The following ASIC2 variants were observed in gnomAD, a reference collection of about 807,000 sequenced individuals.
ASIC2 encodes the protein acid-sensing ion channel 2.
A neutral mutation model predicts 57.3 loss-of-function variants in ASIC2; 25 were observed. The observed-to-expected ratio is 0.44, with a 90% CI of 0.32 to 0.61. The LOEUF (loss-of-function observed/expected upper bound fraction) is 0.61. Ranked by LOEUF, ASIC2 falls within the 20% of genes least tolerant of loss-of-function variation. ASIC2 has a pLI of 0.06. For synonymous variants in ASIC2, 319 were observed against 307.5 expected (o/e 1.04, Z -0.39); for missense variants, 641 against 738.1 (o/e 0.87, Z 1.52).
At chr17:33,579,758 A>C (rs1378050044) in intron 1 of ASIC2, among the ~76,000 whole-genome samples, 1 of 151,992 alleles carries the variant, frequency 6.6e-6, no homozygotes. Flanking sequence ...CAGCAGCAAA[A>C]CTCATTCAGA....
intron 1 of ASIC2, among the ~76,000 whole-genome samples, chr17:33,157,460 A>G (rs1029030631): frequency 6.6e-6 from 1 of 151,838 alleles, no homozygotes; most frequent in East Asian, 1.9e-4. Context: ...CAATTCCAAA[A>G]CTCTTCATCT....
chr17:33,831,106 C>CAAAAAAAA lies in ASIC2; in HGVS notation c.555+324864_555+324871dup, dbSNP rs56841196. 3.5e-4 allele frequency among the ~76,000 whole-genome samples: 8 copies of CAAAAAAAA among 22,964 alleles called. 2 individuals are homozygous for CAAAAAAAA. The highest frequency in any genetic ancestry group is 4.2e-4 in the Non-Finnish European group (6 of 14,356). The allele number at this position is 22,964 out of a possible 152,430, so 15.1% of individuals were successfully genotyped here. On this transcript the variant is annotated intron_variant, in intron 1 of 9. Transcript: ENST00000359872. ...CCTGGGTGACAGAGTAAGGCTCTGT[C>CAAAAAAAA]AAAAAAAAAAAAAAAAAAAAAAAAA...
intron 1 of ASIC2, among the ~76,000 whole-genome samples, chr17:33,507,462 A>T (rs1295621985): frequency 1.3e-5 from 2 of 152,156 alleles, no homozygotes; most frequent in Admixed American, 1.3e-4. Context: ...TTCTATTTGG[A>T]GTTTGCATCC....
intron 8 of ASIC2, 80 bp downstream of exon 8, chr17:33,017,525 C>T (rs905342242): frequency 8.1e-7 from 1 of 1,238,414 alleles, no homozygotes; most frequent in Non-Finnish European, 1.2e-6. Flanking sequence ...ACCGCCTTCC[C>T]TCTACTATGA....
At chr17:33,195,846 G>A (rs1906604414) in intron 1 of ASIC2, among the ~76,000 whole-genome samples, 1 of 152,188 alleles carries the variant, frequency 6.6e-6, no homozygotes, top group Non-Finnish European at 1.5e-5. Flanking sequence ...CTGGGTCATA[G>A]AGTGGGCTGT....
chr17:33,600,177 T>A (rs1451678312), intron 1 of ASIC2, among the ~76,000 whole-genome samples: 1 of 152,240 alleles, frequency 6.6e-6, no homozygotes, highest in African/African-American at 2.4e-5. Flanking sequence ...AAGGCCCTAC[T>A]ATTATTTGAA....
intron 1 of ASIC2, among the ~76,000 whole-genome samples, chr17:33,267,690 G>A (rs940548876): frequency 2.5e-4 from 38 of 152,356 alleles, no homozygotes; most frequent in African/African-American, 6.7e-4. Flanking sequence ...AAGGAGAGAT[G>A]AGCGTGGGCT....
At chr17:34,082,714 C>G (rs891994582) in intron 1 of ASIC2, among the ~76,000 whole-genome samples, 2 of 152,214 alleles carry the variant, frequency 1.3e-5, no homozygotes, top group African/African-American at 4.8e-5. Context: ...CATGCATTAC[C>G]TTACTAAATC....
chr17:34,018,429 C>T (rs780551091), intron 1 of ASIC2, among the ~76,000 whole-genome samples: 3 of 152,214 alleles, frequency 2.0e-5, no homozygotes, highest in Middle Eastern at 3.2e-3. Flanking sequence ...GCTAACACAA[C>T]AATCATTCTG....
At chr17:33,949,555 A>G (rs1262518137) in intron 1 of ASIC2, among the ~76,000 whole-genome samples, 1 of 152,208 alleles carries the variant, frequency 6.6e-6, no homozygotes, top group Non-Finnish European at 1.5e-5. Flanking sequence ...TTCTTATTTT[A>G]TTCCAAGGAA....
chr17:33,999,324 ATGT>A (rs2142014299), intron 1 of ASIC2, among the ~76,000 whole-genome samples: 1 of 152,238 alleles, frequency 6.6e-6, no homozygotes, highest in East Asian at 1.9e-4. Flanking sequence ...TAGTCACTGT[ATGT>A]CTTTTGATTG....
intron 1 of ASIC2, among the ~76,000 whole-genome samples, chr17:33,206,671 G>A (rs1283294284): frequency 6.6e-6 from 1 of 152,022 alleles, no homozygotes; most frequent in Non-Finnish European, 1.5e-5. Context: ...CCATGGCCCT[G>A]GTCTCTGATT....
At chr17:33,996,440 C>G (rs1158861963) in intron 1 of ASIC2, among the ~76,000 whole-genome samples, 1 of 152,146 alleles carries the variant, frequency 6.6e-6, no homozygotes, top group Non-Finnish European at 1.5e-5. Flanking sequence ...CCAACACCAA[C>G]AAGCTTTTTT....
intron 1 of ASIC2, among the ~76,000 whole-genome samples, chr17:33,430,715 C>T (rs1221106666): frequency 2.6e-5 from 4 of 152,070 alleles, no homozygotes; most frequent in Admixed American, 2.6e-4. Context: ...CAAGATAAGC[C>T]AATAATCTGT....
chr17:33,046,099 G>C (rs1214847651), intron 3 of ASIC2, among the ~76,000 whole-genome samples: 2 of 152,148 alleles, frequency 1.3e-5, no homozygotes, highest in South Asian at 2.1e-4. Flanking sequence ...CTGCTCCTTA[G>C]CTAGTCATCC....
chr17:33,745,970 T>C (rs1910246220), intron 1 of ASIC2, among the ~76,000 whole-genome samples: 2 of 152,150 alleles, frequency 1.3e-5, no homozygotes, highest in South Asian at 4.1e-4. Context: ...ACAATATGTA[T>C]ATAATTGCAT....
chr17:34,085,978 T>G (rs1308224899), intron 1 of ASIC2, among the ~76,000 whole-genome samples: 3 of 151,984 alleles, frequency 2.0e-5, no homozygotes, highest in Admixed American at 6.5e-5. Flanking sequence ...GTTGATCCTT[T>G]CAAAAAACCA....
chr17:33,765,477 C>G (rs1447933862), intron 1 of ASIC2, among the ~76,000 whole-genome samples: 1 of 152,126 alleles, frequency 6.6e-6, no homozygotes, highest in East Asian at 1.9e-4. Context: ...CCTTATCAAC[C>G]CTTCCTACCC....
intron 1 of ASIC2, among the ~76,000 whole-genome samples, chr17:33,552,624 C>A (rs1915786848): frequency 1.3e-5 from 2 of 152,194 alleles, no homozygotes; most frequent in South Asian, 4.1e-4. Flanking sequence ...GAGGGTGAGA[C>A]AATATGTAAA....
Sources: gnomAD v4.1 joint callset for allele counts (sites outside exome capture counted in the v4.1 genomes callset) on GRCh38, gnomAD v4.1.1 for gene constraint, MANE v1.5 for transcripts, NCBI Gene and HGNC (gene_info 2026-07-23, HGNC 2026-07-21) for gene names.